Variants in IKZF1 observed in about 807,000 individuals in gnomAD.
The protein encoded by IKZF1 is IKAROS family zinc finger 1.
A neutral mutation model predicts 51.7 loss-of-function variants in IKZF1; 10 were observed. The observed-to-expected ratio is 0.19, with a 90% CI of 0.12 to 0.33. The LOEUF is 0.33. IKZF1 is among the 10% of genes least tolerant of loss of function. The pLI, the probability that IKZF1 is intolerant of heterozygous loss-of-function variation, is 1.00. For missense variants in IKZF1, 484 were observed against 707.5 expected (o/e 0.68, Z 3.58); for synonymous variants, 280 against 282.3 (o/e 0.99, Z 0.08).
At chr7:50,399,404 A>G (rs1817540927) in intron 7 of IKZF1, among the ~76,000 whole-genome samples, 1 of 151,280 alleles carries the variant, frequency 6.6e-6, no homozygotes, top group African/African-American at 2.4e-5. Context: ...TATTAAATAC[A>G]ATTATTAAAA....
chr7:50,381,934 GTC>G (rs764414099), intron 4 of IKZF1, among the ~76,000 whole-genome samples: 1 of 152,112 alleles, frequency 6.6e-6, no homozygotes, highest in Non-Finnish European at 1.5e-5. Flanking sequence ...CTCTCTGTCT[GTC>G]TCTCTCCTGA....
intron 3 of IKZF1, among the ~76,000 whole-genome samples, chr7:50,353,966 A>G (rs1305427019): frequency 6.6e-6 from 1 of 152,172 alleles, no homozygotes; most frequent in Non-Finnish European, 1.5e-5. Flanking sequence ...CTGGGATCTT[A>G]GTAAAGGTTG....
intron 1 of IKZF1, among the ~76,000 whole-genome samples, chr7:50,315,677 A>G (rs1055719088): frequency 4.6e-5 from 7 of 152,206 alleles, no homozygotes; most frequent in African/African-American, 1.7e-4. Flanking sequence ...CTGTGAAATA[A>G]TTATTCCTTC....
chr7:50,404,505 G>T lies in IKZF1; in HGVS notation c.*3878G>T, dbSNP rs540628691. On this transcript the variant is annotated 3_prime_UTR_variant, in exon 8 of 8. Transcript: ENST00000331340. ...GCCCAGCAGAGCAGGAATCTGCCTA[G>T]ACTTTCTCCCAATGAGATCCCAATA... is the stretch of plus-strand genomic sequence containing the variant. 6 of 229,972 alleles carry T rather than the reference G, an allele frequency of 2.6e-5. No homozygotes were observed. The highest frequency in any genetic ancestry group is 1.3e-4 in the African/African-American group (6 of 45,248). The allele number at this position is 229,972 out of a possible 1,614,324, so 14.2% of individuals were successfully genotyped here. A position where few individuals can be genotyped will look rare whatever the true frequency, so the allele number is the denominator to read the frequency against.
chr7:50,365,465 G>A (rs1038812388), intron 3 of IKZF1, among the ~76,000 whole-genome samples: 2 of 152,218 alleles, frequency 1.3e-5, no homozygotes, highest in African/African-American at 2.4e-5. Context: ...CTTTTGAAAC[G>A]TGATTGACAT....
At chr7:50,363,112 A>G (rs1400053435) in intron 3 of IKZF1, among the ~76,000 whole-genome samples, 1 of 152,208 alleles carries the variant, frequency 6.6e-6, no homozygotes, top group African/African-American at 2.4e-5. Context: ...CACCATCAAC[A>G]TGCATGGGCT....
At chr7:50,387,593 G>A in intron 6 of IKZF1, 123 bp downstream of exon 6, 5 of 1,374,856 alleles carry the variant, frequency 3.6e-6, no homozygotes, top group Non-Finnish European at 4.7e-6. Flanking sequence ...GGGGCTAGGA[G>A]GGAGGGAAGT....
intron 1 of IKZF1, among the ~76,000 whole-genome samples, chr7:50,312,918 C>T (rs775919904): frequency 6.6e-6 from 1 of 152,144 alleles, no homozygotes; most frequent in East Asian, 1.9e-4. Context: ...TTGTTATTTG[C>T]ACCAGCAATA....
intron 3 of IKZF1, among the ~76,000 whole-genome samples, chr7:50,344,591 G>C (rs1418427719): frequency 6.6e-6 from 1 of 152,224 alleles, no homozygotes. Flanking sequence ...GTACAATCAT[G>C]TATAAGCTGT....
intron 3 of IKZF1, among the ~76,000 whole-genome samples, chr7:50,343,297 T>C (rs141448312): frequency 1.3e-5 from 2 of 149,558 alleles, no homozygotes; most frequent in African/African-American, 2.5e-5. Flanking sequence ...TCTCCATCCC[T>C]TTCTTCCTTT....
rs1813700099 is a variant in IKZF1, at chr7:50,387,445, G to C, written c.690G>C (p.Met230Ile). ...KERCHNYLES[M>I]GLPGTLYPVI... ...GCTGCCACAACTACTTGGAAAGCATGGGCCTTCCGGGCACACTGTACCCAG... is the reference window on the plus strand; with the variant it reads ...GCTGCCACAACTACTTGGAAAGCATCGGCCTTCCGGGCACACTGTACCCAG... Residue 230 changes from methionine (M) to isoleucine (I), a missense_variant, in exon 6 of 8, where the codon ATG (methionine) becomes ATC (isoleucine). Met to Ile is a conservative substitution (Grantham distance 10, BLOSUM62 1). This residue lies in a region of IKZF1 where 53 missense variants were observed against 167.7 expected (regional missense o/e 0.32). Coordinates refer to ENST00000331340, the MANE Select transcript of IKZF1 (RefSeq NM_006060.6). The C allele has an allele frequency of 6.2e-7, 1 of 1,611,726 alleles. No individual in the cohort carries two copies. Among genetic ancestry groups the C allele is most frequent in the Non-Finnish European group, 8.5e-7 (1 of 1,179,076 alleles).
chr7:50,371,385 C>T (rs1808627422), intron 3 of IKZF1, among the ~76,000 whole-genome samples: 1 of 152,354 alleles, frequency 6.6e-6, no homozygotes, highest in East Asian at 1.9e-4. Flanking sequence ...GCCTCCGTCA[C>T]AACTGCATGT....
In IKZF1 at chr7:50,321,759, T is replaced by A. The variant is rs1793401318; in HGVS notation, c.40+2658T>A. ...CGATCTCGTATCTTAGTAACGAAAC[T>A]AACAAAAGCCTGATTCTCCTCTGGT... On this transcript the variant is annotated intron_variant, in intron 2 of 7. Coordinates refer to ENST00000331340, the MANE Select transcript of IKZF1 (RefSeq NM_006060.6). Among the ~76,000 whole-genome samples, 3 of 152,246 alleles carry A rather than the reference T, an allele frequency of 2.0e-5. No individual in the cohort carries two copies. In the South Asian group the frequency reaches 6.2e-4, roughly 32 times the overall value.
intron 5 of IKZF1, among the ~76,000 whole-genome samples, chr7:50,383,347 T>G (rs942985908): frequency 6.6e-6 from 1 of 152,214 alleles, no homozygotes; most frequent in Non-Finnish European, 1.5e-5. Flanking sequence ...AAGATCATCA[T>G]AGGCATAAAC....
chr7:50,356,714 T>C (rs1803523144), intron 3 of IKZF1, among the ~76,000 whole-genome samples: 2 of 152,350 alleles, frequency 1.3e-5, no homozygotes, highest in African/African-American at 2.4e-5. Context: ...GCTTCCTCTT[T>C]TCCTGCATTC....
chr7:50,337,983 C>G (rs979196022), intron 3 of IKZF1, among the ~76,000 whole-genome samples: 3 of 152,152 alleles, frequency 2.0e-5, no homozygotes, highest in Non-Finnish European at 4.4e-5. Flanking sequence ...TTCAGTACTT[C>G]CCACTCGTAA....
intron 3 of IKZF1, among the ~76,000 whole-genome samples, chr7:50,347,258 T>C (rs1257554654): frequency 6.6e-6 from 1 of 152,162 alleles, no homozygotes; most frequent in Non-Finnish European, 1.5e-5. Context: ...GGAAACAGCC[T>C]ACTAATCTGT....
intron 3 of IKZF1, among the ~76,000 whole-genome samples, chr7:50,342,972 T>C (rs1310069389): frequency 6.6e-6 from 1 of 152,242 alleles, no homozygotes; most frequent in Non-Finnish European, 1.5e-5. Context: ...TGACCTTTCT[T>C]GTTTGCTTGC....
At chr7:50,355,687 A>C (rs1435406695) in intron 3 of IKZF1, among the ~76,000 whole-genome samples, 10 of 152,234 alleles carry the variant, frequency 6.6e-5, no homozygotes, top group Admixed American at 6.5e-4. Context: ...GTCCCAGTCA[A>C]ATTTTAATTC....
Sources: gnomAD v4.1 joint callset for allele counts (sites outside exome capture counted in the v4.1 genomes callset) on GRCh38, gnomAD v4.1.1 for gene constraint, gnomAD v4.1.1 regional missense constraint, MANE v1.5 for transcripts, NCBI Gene and HGNC (gene_info 2026-07-23, HGNC 2026-07-21) for gene names.